The following MTA3 variants were observed in gnomAD, a reference collection of about 807,000 sequenced individuals.
The protein encoded by MTA3 is metastasis associated 1 family member 3, also known as metastasis-associated protein MTA3.
Under a neutral mutation model 83.5 loss-of-function variants are expected in MTA3, and 34 were observed. That is an observed-to-expected ratio of 0.41 (90% CI 0.31 to 0.54). The LOEUF is 0.54. Among genes scored for constraint, MTA3 ranks in the 20% least tolerant of loss-of-function variants. The pLI, the probability that MTA3 is intolerant of heterozygous loss-of-function variation, is 0.33. For synonymous variants in MTA3, 303 were observed against 252.7 expected (o/e 1.20, Z -1.89); for missense variants, 761 against 726.4 (o/e 1.05, Z -0.55).
At position 42,753,641 on chromosome 2, in the gene MTA3, C is replaced by T. The variant is rs1275713281; in HGVS notation, c.*242C>T. On this transcript the variant is annotated 3_prime_UTR_variant, in exon 17 of 17. Transcript: ENST00000405094. ...TGTCAGAGACCTCGCTGTTACGGAG[C>T]GAGACCTGCTGAGAATTGAGGGGCT... is the stretch of plus-strand genomic sequence containing the variant. The T allele has an allele frequency of 6.0e-6, 8 of 1,329,436 alleles. No individual in the cohort carries two copies. The highest frequency in any genetic ancestry group is 6.9e-5 in the Admixed American group (2 of 28,956). The allele number at this position is 1,329,436 out of a possible 1,614,324, so 82.4% of individuals were successfully genotyped here.
chr2:42,722,488 C>G (rs1188753354), intron 15 of MTA3, among the ~76,000 whole-genome samples: 1 of 152,124 alleles, frequency 6.6e-6, no homozygotes, highest in Non-Finnish European at 1.5e-5. Flanking sequence ...GACATGGTGC[C>G]TGGTTTGACA....
intron 9 of MTA3, among the ~76,000 whole-genome samples, chr2:42,692,250 A>G (rs1235465544): frequency 6.6e-6 from 1 of 152,138 alleles, no homozygotes; most frequent in Non-Finnish European, 1.5e-5. Flanking sequence ...TTCCACTATT[A>G]AGTGACTCTG....
chr2:42,511,429 T>C (rs1272807822), intron 2 of MTA3: 2 of 151,638 alleles, frequency 1.3e-5, no homozygotes, highest in Admixed American at 1.3e-4. Context: ...CAAAAAATAA[T>C]ATTTTTGCCG....
chr2:42,582,842 A>G (rs1482795135), intron 3 of MTA3, among the ~76,000 whole-genome samples: 1 of 152,292 alleles, frequency 6.6e-6, no homozygotes, highest in South Asian at 2.1e-4. Context: ...ACTTAGCATC[A>G]AGCAAATGAT....
chr2:42,535,936 T>C (rs1337916012), intron 2 of MTA3, among the ~76,000 whole-genome samples: 1 of 66,598 alleles, frequency 1.5e-5, no homozygotes, highest in African/African-American at 5.4e-5. Context: ...CTGGGCATTA[T>C]AGTGAGATCC....
At chr2:42,702,869 C>T (rs1055675893) in intron 11 of MTA3, 4 of 152,310 alleles carry the variant, frequency 2.6e-5, no homozygotes, top group African/African-American at 4.8e-5. Flanking sequence ...CCAAGATAAT[C>T]TGGGCTGCAC....
Position 42,682,540 on chromosome 2 carries a change from A to G in MTA3, c.842A>G (p.Glu281Gly), listed in dbSNP as rs1326864016. 1 of 1,612,774 alleles carries G rather than the reference A, an allele frequency of 6.2e-7. No homozygotes were observed. Among genetic ancestry groups the G allele is most frequent in the Non-Finnish European group, 8.5e-7 (1 of 1,179,432 alleles). Residue 281 changes from glutamate (E) to glycine (G), a missense_variant, in exon 9 of 17, where the codon GAG becomes GGG. Transcript: ENST00000405094. ...WSASEASLFEEALEKYGKDFN... is the reference protein window; with the variant it reads ...WSASEASLFEGALEKYGKDFN... ...GCCTCTGAAGCTAGCTTATTTGAAG[A>G]GGCACTGGAAAAATATGGCAAAGAC... is the stretch of plus-strand genomic sequence containing the variant.
In MTA3 at chr2:42,640,166, T is replaced by G; in HGVS notation, c.318-7T>G. 1.3e-6 allele frequency: 2 copies of G among 1,597,370 alleles called. No individual in the cohort carries two copies. The highest frequency in any genetic ancestry group is 1.7e-6 in the Non-Finnish European group (2 of 1,172,800). ...GTTACATTTATTCTTTTTTTCTTTT[T>G]CAACAGGGGAAAGTGCAGTGTTGCC... On this transcript the variant is annotated splice_polypyrimidine_tract_variant and splice_region_variant and intron_variant, in intron 4 of 16. Coordinates refer to ENST00000405094, the MANE Select transcript of MTA3 (RefSeq NM_001330442.2).
At chr2:42,752,326 T>C (rs559902881) in intron 16 of MTA3, 4 of 469,470 alleles carry the variant, frequency 8.5e-6, no homozygotes, top group Admixed American at 7.1e-5. Context: ...TGCTGGGTCC[T>C]TTCCTGGCAG....
chr2:42,608,301 A>T (rs1356786855), intron 3 of MTA3, among the ~76,000 whole-genome samples: 1 of 152,256 alleles, frequency 6.6e-6, no homozygotes, highest in Non-Finnish European at 1.5e-5. Context: ...ATGCAGCAGC[A>T]ACTTTATCAA....
At chr2:42,690,641 G>A (rs1573633337) in intron 9 of MTA3, among the ~76,000 whole-genome samples, 1 of 147,434 alleles carries the variant, frequency 6.8e-6, no homozygotes, top group African/African-American at 2.5e-5. Flanking sequence ...TTCATAGTAG[G>A]TGTATATAAT....
At chr2:42,543,456 G>A (rs1572954393) in intron 2 of MTA3, among the ~76,000 whole-genome samples, 1 of 151,898 alleles carries the variant, frequency 6.6e-6, no homozygotes. Context: ...GTTTACAGGC[G>A]TGAGCCACTG....
chr2:42,518,274 G>C lies in MTA3; in HGVS notation c.-141+23020G>C, dbSNP rs1302742522. Among the ~76,000 whole-genome samples the C allele has an allele frequency of 2.6e-5, 4 of 152,110 alleles. No homozygotes were observed. In the East Asian group the frequency reaches 7.7e-4, roughly 29 times the overall value. ...TACAATTCTCCAATAAAAGGAACTA[G>C]GGCTCCTTGGAAAAATAAACTAAGT... On this transcript the variant is annotated intron_variant, in intron 2 of 17. Coordinates refer to the MTA3 transcript ENST00000405592.
intron 16 of MTA3, among the ~76,000 whole-genome samples, chr2:42,735,162 A>AT (rs1668518241): frequency 6.6e-6 from 1 of 152,088 alleles, no homozygotes; most frequent in Non-Finnish European, 1.5e-5. Context: ...TGTTGATGAC[A>AT]TTTTTTAGCT....
chr2:42,693,319 T>C (rs962007742), intron 9 of MTA3, among the ~76,000 whole-genome samples: 2 of 152,164 alleles, frequency 1.3e-5, no homozygotes, highest in African/African-American at 2.4e-5. Context: ...TGTCCTTCCC[T>C]TCAGGGTAGT....
In MTA3 at chr2:42,656,305, G is replaced by A. The variant is rs1340587435; in HGVS notation, c.602+3G>A. On this transcript the variant is annotated splice_donor_region_variant and intron_variant, in intron 7 of 16. Coordinates refer to ENST00000405094, the MANE Select transcript of MTA3 (RefSeq NM_001330442.2). ...GACCAGTTTTTAGTTGTAGCACGGT[G>A]AGTATGAGTATGGCATTATTGAGTC... The A allele has an allele frequency of 1.3e-6, 2 of 1,585,892 alleles. No homozygotes were observed. Among genetic ancestry groups the A allele is most frequent in the African/African-American group, 2.7e-5 (2 of 74,376 alleles).
chr2:42,539,068 C>T (rs954305842), intron 2 of MTA3, among the ~76,000 whole-genome samples: 3 of 152,050 alleles, frequency 2.0e-5, no homozygotes, highest in African/African-American at 7.2e-5. Context: ...GCCACCGCTC[C>T]CGGCCTGAAA....
chr2:42,499,034 T>C (rs1674274418), intron 2 of MTA3, among the ~76,000 whole-genome samples: 1 of 152,170 alleles, frequency 6.6e-6, no homozygotes, highest in African/African-American at 2.4e-5. Context: ...AGAGCTCTAA[T>C]ACAGGGAGGT....
At chr2:42,605,747 C>T (rs1683238436) in intron 3 of MTA3, among the ~76,000 whole-genome samples, 3 of 113,974 alleles carry the variant, frequency 2.6e-5, no homozygotes, top group South Asian at 3.4e-4. Flanking sequence ...GATGGGGCGG[C>T]TGGCCGGGCA....
Sources: allele counts gnomAD v4.1 joint callset (sites outside exome capture counted in the v4.1 genomes callset), GRCh38; gene constraint gnomAD v4.1.1; transcripts MANE v1.5; gene names NCBI Gene and HGNC (gene_info 2026-07-23, HGNC 2026-07-21).